Variants in PDE1A observed in about 807,000 individuals in gnomAD.
PDE1A encodes phosphodiesterase 1A, also known as dual specificity calcium/calmodulin-dependent 3',5'-cyclic nucleotide phosphodiesterase 1A.
PDE1A carries 35 observed loss-of-function variants against 61.7 expected under a neutral mutation model. That is an observed-to-expected ratio of 0.57 (90% CI 0.43 to 0.75). The LOEUF (loss-of-function observed/expected upper bound fraction) is 0.75, where lower values mean the gene tolerates loss of function less well. Among genes scored for constraint, PDE1A ranks in the 30% least tolerant of loss-of-function variants. PDE1A has a pLI of 0.00. For synonymous variants in PDE1A, 232 were observed against 213.2 expected (o/e 1.09, Z -0.77); for missense variants, 597 against 630.6 (o/e 0.95, Z 0.57).
At chr2:182,409,325 T>G (rs988680420) in intron 1 of PDE1A, among the ~76,000 whole-genome samples, 1 of 152,236 alleles carries the variant, frequency 6.6e-6, no homozygotes, top group Non-Finnish European at 1.5e-5. Context: ...AAATATTGGA[T>G]ACAAACTTAA....
At chr2:182,166,078 T>C (rs1691637682), downstream of PDE1A, among the ~76,000 whole-genome samples, 1 of 152,046 alleles carries the variant, frequency 6.6e-6, no homozygotes, top group Non-Finnish European at 1.5e-5. Flanking sequence ...ATCTGGAGAT[T>C]AGGTGTGGTT....
chr2:182,346,917 G>C (rs1315723393), intron 1 of PDE1A, among the ~76,000 whole-genome samples: 1 of 152,098 alleles, frequency 6.6e-6, no homozygotes, highest in Non-Finnish European at 1.5e-5. Flanking sequence ...TTTCACCCAA[G>C]ACTTCTGAGA....
chr2:182,223,359 C>T (rs1688885934), intron 7 of PDE1A, among the ~76,000 whole-genome samples: 1 of 152,006 alleles, frequency 6.6e-6, no homozygotes, highest in African/African-American at 2.4e-5. Context: ...CATACTTCTA[C>T]TCTGGTATTT....
At chr2:182,293,761 G>T (rs542199748) in intron 1 of PDE1A, among the ~76,000 whole-genome samples, 2 of 152,252 alleles carry the variant, frequency 1.3e-5, no homozygotes, top group Admixed American at 1.3e-4. Context: ...TATGTGAGTG[G>T]TATCTCTCCT....
At chr2:182,575,135 C>T in the PDE1A span, among the ~76,000 whole-genome samples, 3 of 152,094 alleles carry the variant, frequency 2.0e-5, no homozygotes, top group African/African-American at 7.2e-5. Context: ...TGGTTTTTTT[C>T]CTGGTGGAAT....
chr2:182,455,379 C>A (rs1685837413), intron 2 of PDE1A, among the ~76,000 whole-genome samples: 1 of 151,994 alleles, frequency 6.6e-6, no homozygotes, highest in African/African-American at 2.4e-5. Context: ...ACTAGAAATA[C>A]CATTTGACCC....
intron 13 of PDE1A, among the ~76,000 whole-genome samples, chr2:182,177,772 G>T (rs1470611164): frequency 1.3e-5 from 2 of 151,948 alleles, no homozygotes; most frequent in Non-Finnish European, 2.9e-5. Flanking sequence ...GTTTCCTCCT[G>T]AAATATGTCT....
intron 2 of PDE1A, among the ~76,000 whole-genome samples, chr2:182,514,061 G>A (rs563763284): frequency 6.6e-5 from 10 of 152,154 alleles, no homozygotes; most frequent in African/African-American, 2.4e-4. Flanking sequence ...CCAAATCAGG[G>A]ACGCAATCCC....
the PDE1A span, among the ~76,000 whole-genome samples, chr2:182,631,513 T>C: frequency 6.6e-6 from 1 of 152,114 alleles, no homozygotes; most frequent in East Asian, 1.9e-4. Context: ...CAAATGCTAA[T>C]CTCTTCAGGA....
At chr2:182,705,811 G>A in the PDE1A span, among the ~76,000 whole-genome samples, 2 of 152,092 alleles carry the variant, frequency 1.3e-5, no homozygotes, top group Non-Finnish European at 2.9e-5. Flanking sequence ...ACTGCACCCA[G>A]CTGAGGGCTA....
chr2:182,601,149 G>T, the PDE1A span, among the ~76,000 whole-genome samples: 1 of 152,226 alleles, frequency 6.6e-6, no homozygotes, highest in Admixed American at 6.5e-5. Flanking sequence ...TACCAGCATG[G>T]ATGCCACATC....
chr2:182,159,079 C>T (rs1229544142), intron 13 of PDE1A, among the ~76,000 whole-genome samples: 1 of 152,040 alleles, frequency 6.6e-6, no homozygotes, highest in Non-Finnish European at 1.5e-5. Flanking sequence ...TAAATCTAGG[C>T]ATATTTTAAG....
chr2:182,348,884 G>A (rs1399590059), intron 1 of PDE1A, among the ~76,000 whole-genome samples: 1 of 151,960 alleles, frequency 6.6e-6, no homozygotes, highest in African/African-American at 2.4e-5. Context: ...TTTTGTCTGT[G>A]GATAGAGGAA....
At chr2:182,157,627 C>A (rs1691166252) in intron 13 of PDE1A, among the ~76,000 whole-genome samples, 1 of 152,030 alleles carries the variant, frequency 6.6e-6, no homozygotes, top group African/African-American at 2.4e-5. Context: ...TTCGTGGAGA[C>A]TAAACCCACT....
chr2:182,147,800 G>A (rs983314252), intron 13 of PDE1A, among the ~76,000 whole-genome samples: 2 of 152,134 alleles, frequency 1.3e-5, no homozygotes, highest in East Asian at 3.8e-4. Flanking sequence ...TAATTTTTGA[G>A]TCAATTACTT....
intron 1 of PDE1A, among the ~76,000 whole-genome samples, chr2:182,344,017 C>T (rs776582666): frequency 6.6e-6 from 1 of 151,928 alleles, no homozygotes; most frequent in Non-Finnish European, 1.5e-5. Flanking sequence ...ACTACAGGCA[C>T]ACGCCACCAT....
the PDE1A span, among the ~76,000 whole-genome samples, chr2:182,549,291 G>C: frequency 6.6e-6 from 1 of 151,396 alleles, no homozygotes; most frequent in South Asian, 2.1e-4. Context: ...TTGCAAACCA[G>C]AATTACATTT....
chr2:182,312,728 G>A (rs928557115), intron 1 of PDE1A, among the ~76,000 whole-genome samples: 2 of 151,950 alleles, frequency 1.3e-5, no homozygotes, highest in African/African-American at 2.4e-5. Flanking sequence ...AAATCGGGTA[G>A]TGTCAGTCTT....
chr2:182,625,302 A>G, the PDE1A span, among the ~76,000 whole-genome samples: 2 of 152,188 alleles, frequency 1.3e-5, no homozygotes, highest in Admixed American at 1.3e-4. Flanking sequence ...ATCTTATAAA[A>G]CACCATATAA....
Sources: allele counts gnomAD v4.1 joint callset (sites outside exome capture counted in the v4.1 genomes callset), GRCh38; gene constraint gnomAD v4.1.1; transcripts MANE v1.5; gene names NCBI Gene and HGNC (gene_info 2026-07-23, HGNC 2026-07-21).